ENOX2: variants seen among roughly 807,000 people sequenced by gnomAD.
ENOX2 encodes ecto-NOX disulfide-thiol exchanger 2.
In ENOX2, 36 loss-of-function variants were observed where a neutral mutation model predicts 45.0. The ratio of observed to expected loss-of-function variants is 0.80; its 90% confidence interval spans 0.61 to 1.06. The LOEUF is 1.06. Ranked by LOEUF, ENOX2 falls within the 50% of genes least tolerant of loss-of-function variation. The probability of loss-of-function intolerance (pLI) is 0.00; values close to 1 mark genes in which losing one functional copy is unlikely to be tolerated. For missense variants in ENOX2, 423 were observed against 462.5 expected, an observed-to-expected ratio of 0.91 and a Z score of 0.78; for synonymous variants, 174 against 152.3, an observed-to-expected ratio of 1.14 and a Z score of -1.05.
At chrX:130,888,040 T>G (rs1376610939) in intron 2 of ENOX2, among the ~76,000 whole-genome samples, 1 of 112,195 alleles carries the variant, frequency 8.9e-6, no homozygotes, top group Non-Finnish European at 1.9e-5. Context: ...AAGAAGCTAA[T>G]TATTTTAAGG....
intron 2 of ENOX2, among the ~76,000 whole-genome samples, chrX:130,839,646 GA>G (rs1434970064): frequency 9.0e-6 from 1 of 111,128 alleles, no homozygotes; most frequent in Non-Finnish European, 1.9e-5. Context: ...AGCTGAAGGG[GA>G]AAGTTCAACA....
At chrX:130,829,452 C>T (rs1225147180) in intron 2 of ENOX2, among the ~76,000 whole-genome samples, 1 of 111,451 alleles carries the variant, frequency 9.0e-6, no homozygotes, top group African/African-American at 3.3e-5. Context: ...AACCAAGGTT[C>T]GTCTGGTTCC....
At chrX:130,835,751 G>A (rs1173624867) in intron 2 of ENOX2, among the ~76,000 whole-genome samples, 1 of 110,710 alleles carries the variant, frequency 9.0e-6, no homozygotes, top group Non-Finnish European at 1.9e-5. Context: ...AGAATATCAA[G>A]CAGAAGCTTC....
chrX:130,806,450 T>C (rs755792093), intron 2 of ENOX2, among the ~76,000 whole-genome samples: 26 of 112,472 alleles, frequency 2.3e-4, no homozygotes, highest in African/African-American at 8.1e-4. Context: ...AGAAGGATAA[T>C]GAGTGGACAA....
intron 3 of ENOX2, among the ~76,000 whole-genome samples, chrX:130,771,566 C>G (rs1417181219): frequency 8.9e-6 from 1 of 112,057 alleles, no homozygotes; most frequent in Non-Finnish European, 1.9e-5. Context: ...GGATCTATCT[C>G]CTCTTCTCCA....
At chrX:130,851,052 T>G (rs1015858225) in intron 2 of ENOX2, among the ~76,000 whole-genome samples, 3 of 112,411 alleles carry the variant, frequency 2.7e-5, no homozygotes, top group Non-Finnish European at 5.6e-5. Flanking sequence ...ACAATATAAT[T>G]TCTGAAGGAA....
chrX:130,707,396 C>A (rs958281799), intron 3 of ENOX2, among the ~76,000 whole-genome samples: 1 of 111,144 alleles, frequency 9.0e-6, no homozygotes, highest in Non-Finnish European at 1.9e-5. Context: ...TCTACTTGAA[C>A]TTGGTATCAT....
chrX:130,852,751 G>A (rs1437690902), intron 2 of ENOX2, among the ~76,000 whole-genome samples: 1 of 110,868 alleles, frequency 9.0e-6, no homozygotes, highest in Non-Finnish European at 1.9e-5. Context: ...ATCTACTAAC[G>A]TCAACTAAAT....
intron 3 of ENOX2, among the ~76,000 whole-genome samples, chrX:130,723,115 T>A (rs761766481): frequency 3.9e-4 from 44 of 112,224 alleles, no homozygotes; most frequent in African/African-American, 1.4e-3. Context: ...CCCATTCCAG[T>A]TGGTGGTAGG....
chrX:130,816,526 C>G (rs140429909), intron 2 of ENOX2, among the ~76,000 whole-genome samples: 2 of 111,713 alleles, frequency 1.8e-5, no homozygotes, highest in Non-Finnish European at 3.8e-5. Context: ...AAGTAAAACA[C>G]TCCTCAGCAA....
chrX:130,791,389 T>C (rs747513006), intron 2 of ENOX2, among the ~76,000 whole-genome samples: 2 of 111,221 alleles, frequency 1.8e-5, no homozygotes, highest in Non-Finnish European at 3.8e-5. Context: ...AAATGAGTAT[T>C]GAACTGAACT....
intron 9 of ENOX2, among the ~76,000 whole-genome samples, chrX:130,658,904 G>C (rs894512112): frequency 1.8e-5 from 2 of 112,154 alleles, no homozygotes; most frequent in Non-Finnish European, 3.8e-5. Context: ...CAGGCTGAAG[G>C]GAAGTGCTAA....
chrX:130,686,155 C>T (rs1398643748), intron 5 of ENOX2, among the ~76,000 whole-genome samples: 1 of 110,627 alleles, frequency 9.0e-6, no homozygotes, highest in Non-Finnish European at 1.9e-5. Context: ...TGATATGGTT[C>T]GGCCCTGTGT....
chrX:130,825,844 TGA>T (rs774934116), intron 2 of ENOX2, among the ~76,000 whole-genome samples: 63 of 110,914 alleles, frequency 5.7e-4, no homozygotes, highest in Non-Finnish European at 1.0e-3. Context: ...TAAGATATTA[TGA>T]GAGAGAGAAA....
At chrX:130,628,520 G>A (rs1171060621) in intron 13 of ENOX2, among the ~76,000 whole-genome samples, 1 of 112,665 alleles carries the variant, frequency 8.9e-6, no homozygotes, top group Non-Finnish European at 1.9e-5. Context: ...ATAATGCCTT[G>A]CTGTTGTGGT....
intron 2 of ENOX2, among the ~76,000 whole-genome samples, chrX:130,796,319 A>C (rs1318412046): frequency 9.0e-6 from 1 of 111,601 alleles, no homozygotes; most frequent in Non-Finnish European, 1.9e-5. Flanking sequence ...AGTCCTGAAA[A>C]TCCTGCAACA....
intron 2 of ENOX2, among the ~76,000 whole-genome samples, chrX:130,812,880 A>G (rs1442268299): frequency 1.8e-5 from 2 of 111,620 alleles, no homozygotes; most frequent in Non-Finnish European, 3.8e-5. Context: ...TAGGGGCAGC[A>G]CACTACCTGA....
At chrX:130,755,828 A>C (rs2039341328) in intron 3 of ENOX2, among the ~76,000 whole-genome samples, 1 of 110,248 alleles carries the variant, frequency 9.1e-6, no homozygotes, top group African/African-American at 3.3e-5. Context: ...GGTCTTATTC[A>C]TTCTTTCTAT....
intron 3 of ENOX2, among the ~76,000 whole-genome samples, chrX:130,721,719 G>A (rs959094214): frequency 8.9e-6 from 1 of 112,001 alleles, no homozygotes; most frequent in Admixed American, 9.4e-5. Flanking sequence ...ACTGATCTTT[G>A]TAATGAGCAA....
Sources: allele counts gnomAD v4.1 joint callset (sites outside exome capture counted in the v4.1 genomes callset), GRCh38; gene constraint gnomAD v4.1.1; transcripts MANE v1.5; gene names NCBI Gene and HGNC (gene_info 2026-07-23, HGNC 2026-07-21).